The following CPXM2 variants were observed in gnomAD, a reference collection of about 807,000 sequenced individuals.
CPXM2 encodes the protein carboxypeptidase X, M14 family member 2.
A neutral mutation model predicts 86.1 loss-of-function variants in CPXM2; 66 were observed. That is an observed-to-expected ratio of 0.77 (90% CI 0.63 to 0.94). CPXM2 has a LOEUF of 0.94. Among genes scored for constraint, CPXM2 ranks in the 40% least tolerant of loss-of-function variants. CPXM2 has a pLI of 0.00. For synonymous variants in CPXM2, 388 were observed against 400.2 expected, an observed-to-expected ratio of 0.97 and a Z score of 0.36; for missense variants, 948 against 1,026.3, an observed-to-expected ratio of 0.92 and a Z score of 1.04.
chr10:123,754,125 G>A lies in CPXM2; in HGVS notation c.2017+538C>T, dbSNP rs550127456. 9.9e-5 allele frequency among the ~76,000 whole-genome samples: 15 copies of A among 152,212 alleles called. No individual in the cohort carries two copies. In the East Asian group the frequency reaches 2.1e-3, roughly 22 times the overall value. On this transcript the variant is annotated intron_variant, in intron 13 of 13. Transcript: ENST00000241305. This position sits in a 1 kb window ranked among gnomAD's most constrained non-coding sequence, Gnocchi z 4.0. ...CACCTGAGTCTTCCTAAGACATCAC[G>A]CTCAGTGATTTCCTGTGCTTTAATG...
At chr10:123,756,078 C>T (rs1315712617) in intron 12 of CPXM2, among the ~76,000 whole-genome samples, 1 of 152,220 alleles carries the variant, frequency 6.6e-6, no homozygotes, top group South Asian at 2.1e-4. Flanking sequence ...TGGTGCCAAC[C>T]TCTGCCCCCT....
At chr10:123,840,315 T>A (rs1463302489) in intron 4 of CPXM2, among the ~76,000 whole-genome samples, 1 of 152,196 alleles carries the variant, frequency 6.6e-6, no homozygotes, top group South Asian at 2.1e-4. Context: ...AAAATCAGCA[T>A]GTACATACAC....
intron 2 of CPXM2, among the ~76,000 whole-genome samples, chr10:123,923,663 C>G (rs1226946016): frequency 1.3e-5 from 2 of 152,046 alleles, no homozygotes; most frequent in Non-Finnish European, 2.9e-5. Context: ...TGGCTGTATC[C>G]CCACCCAAAT....
intron 2 of CPXM2, among the ~76,000 whole-genome samples, chr10:123,879,354 A>G (rs1189649351): frequency 6.6e-6 from 1 of 152,230 alleles, no homozygotes; most frequent in Non-Finnish European, 1.5e-5. Context: ...AGCTAACCAA[A>G]AAGTCTAGAA....
At chr10:123,789,206 C>T (rs1007645098) in intron 6 of CPXM2, among the ~76,000 whole-genome samples, 2 of 152,198 alleles carry the variant, frequency 1.3e-5, no homozygotes, top group Non-Finnish European at 2.9e-5. Flanking sequence ...CCAGGAGCTG[C>T]GGACCCCCAG....
chr10:123,774,683 G>A (rs1846739042), intron 7 of CPXM2, among the ~76,000 whole-genome samples: 1 of 152,150 alleles, frequency 6.6e-6, no homozygotes, highest in Admixed American at 6.5e-5. Flanking sequence ...GGTTAAAACA[G>A]GCTTCCCCTT....
At chr10:123,833,036 G>C (rs569203714) in intron 4 of CPXM2, among the ~76,000 whole-genome samples, 1 of 152,282 alleles carries the variant, frequency 6.6e-6, no homozygotes, top group South Asian at 2.1e-4. Flanking sequence ...AAAAGACATG[G>C]AACCTGCCAG....
At position 123,754,177 on chromosome 10, in the gene CPXM2, C is replaced by T. The variant is rs1366294629; in HGVS notation, c.2017+486G>A. Among the ~76,000 whole-genome samples, 2 of 152,208 alleles carry T rather than the reference C, an allele frequency of 1.3e-5. No homozygotes were observed. The highest frequency in any genetic ancestry group is 2.9e-5 in the Non-Finnish European group (2 of 68,044). On this transcript the variant is annotated intron_variant, in intron 13 of 13. Coordinates refer to ENST00000241305, the MANE Select transcript of CPXM2 (RefSeq NM_198148.3). The surrounding 1 kb of genome is among the most constrained non-coding windows in gnomAD (Gnocchi z 4.0). ...AAAAAGTGCATCCTCTCTGGCCAGT[C>T]CCAACCCACCCCTCCAGCTGTCCTC...
At position 123,761,966 on chromosome 10, in the gene CPXM2, G is replaced by A; in HGVS notation, c.1683C>T (p.Leu561=). 1 of 1,613,914 alleles carries A rather than the reference G, an allele frequency of 6.2e-7. No individual in the cohort carries two copies. Among genetic ancestry groups the A allele is most frequent in the Non-Finnish European group, 8.5e-7 (1 of 1,179,884 alleles). Residue 561 remains leucine (L), a synonymous_variant, in exon 11 of 14, where the codon CTC becomes CTT. Coordinates refer to ENST00000241305, the MANE Select transcript of CPXM2 (RefSeq NM_198148.3). ...ACACCCTCCTCCGGGCGTCTGTCATGAGGCGGTGTGTGGAGGCATAGGAGT... is the reference window on the plus strand; with the variant it reads ...ACACCCTCCTCCGGGCGTCTGTCATAAGGCGGTGTGTGGAGGCATAGGAGT... The part of the protein sequence containing the change: ...LAYSYASTHR[L]MTDARRRVCH...
chr10:123,859,855 G>A (rs573459472), intron 3 of CPXM2, among the ~76,000 whole-genome samples: 1 of 152,186 alleles, frequency 6.6e-6, no homozygotes, highest in East Asian at 1.9e-4. Context: ...ACTACCTGAA[G>A]CCAGGAAGAC....
intron 2 of CPXM2, among the ~76,000 whole-genome samples, chr10:123,873,952 A>G (rs1405244051): frequency 3.4e-5 from 5 of 145,556 alleles, no homozygotes; most frequent in Non-Finnish European, 5.9e-5. Flanking sequence ...CTCCACCTCC[A>G]GGGCTCAAGT....
Position 123,746,794 on chromosome 10 carries a change from C to A in CPXM2, c.2241G>T (p.Leu747=), listed in dbSNP as rs1303718789. The change falls in exon 14 of 14, where the codon CTG becomes CTT. Residue 747 remains leucine, a synonymous_variant. Coordinates refer to ENST00000241305, the MANE Select transcript of CPXM2 (RefSeq NM_198148.3). The stretch of plus-strand genomic sequence containing the variant: ...CACGCTGTCGTCTCTTCTGCCCCCG[C>A]AGCTTCAGCCGCCTGGCTGGCAGGC... ...PVSLPARRLK[L]RGQKRRQRG is the part of the protein sequence containing the mutation. 1 of 1,614,212 alleles carries A rather than the reference C, an allele frequency of 6.2e-7. No individual in the cohort carries two copies. The highest frequency in any genetic ancestry group is 8.5e-7 in the Non-Finnish European group (1 of 1,180,028).
chr10:123,880,095 G>T, intron 2 of CPXM2, 116 bp downstream of exon 2: 1 of 642,292 alleles, frequency 1.6e-6, no homozygotes. Context: ...CAGGCCCCAG[G>T]CAGCCCCACA....
At chr10:123,895,585 C>T (rs1443408350), upstream of CPXM2, among the ~76,000 whole-genome samples, 1 of 152,206 alleles carries the variant, frequency 6.6e-6, no homozygotes, top group Non-Finnish European at 1.5e-5. Flanking sequence ...TCTTTCACGG[C>T]ATCAGCCAAA....
chr10:123,917,043 A>G (rs1027152007), intron 2 of CPXM2, among the ~76,000 whole-genome samples: 4 of 152,096 alleles, frequency 2.6e-5, no homozygotes, highest in African/African-American at 9.7e-5. Context: ...CAGGACAGGA[A>G]GGGAGGGGAG....
At chr10:123,834,426 A>C (rs532076910) in intron 4 of CPXM2, among the ~76,000 whole-genome samples, 1 of 152,350 alleles carries the variant, frequency 6.6e-6, no homozygotes, top group East Asian at 1.9e-4. Context: ...ATAGGTGGTC[A>C]AATAAAGCCA....
intron 2 of CPXM2, among the ~76,000 whole-genome samples, chr10:123,904,596 C>T (rs772547097): frequency 2.0e-5 from 3 of 152,120 alleles, no homozygotes; most frequent in Non-Finnish European, 4.4e-5. Flanking sequence ...GAGCTATGAC[C>T]GTGTCTAGCA....
intron 3 of CPXM2, 147 bp downstream of exon 3, chr10:123,862,466 TA>T: frequency 2.7e-6 from 2 of 727,770 alleles, no homozygotes; most frequent in South Asian, 1.8e-5. Context: ...GCTCTCTCTG[TA>T]AAATTAGGAT....
At chr10:123,800,041 T>G (rs1006337524) in intron 4 of CPXM2, among the ~76,000 whole-genome samples, 12 of 150,920 alleles carry the variant, frequency 8.0e-5, no homozygotes, top group Non-Finnish European at 4.4e-5. Flanking sequence ...TTTTTTTTTT[T>G]TTTTTTTTTA....
Sources: allele counts gnomAD v4.1 joint callset (sites outside exome capture counted in the v4.1 genomes callset), GRCh38; gene constraint gnomAD v4.1.1; non-coding constraint Gnocchi (gnomAD v3.1); transcripts MANE v1.5; gene names NCBI Gene and HGNC (gene_info 2026-07-23, HGNC 2026-07-21).